Variants in CSNK2A2 observed in about 807,000 individuals in gnomAD.
The protein encoded by CSNK2A2 is casein kinase 2 alpha 2, also known as casein kinase II subunit alpha'.
A neutral mutation model predicts 54.0 loss-of-function variants in CSNK2A2; 8 were observed. The observed-to-expected ratio is 0.15, with a 90% confidence interval of 0.09 to 0.27. The LOEUF is 0.27. CSNK2A2 is among the 10% of genes least tolerant of loss of function. The probability of loss-of-function intolerance (pLI) is 1.00; values close to 1 mark genes in which losing one functional copy is unlikely to be tolerated. For synonymous variants in CSNK2A2, 141 were observed against 153.9 expected (o/e 0.92, Z 0.62); for missense variants, 242 against 439.4 (o/e 0.55, Z 4.02).
At chr16:58,176,528 C>A (rs1320570962) in intron 4 of CSNK2A2, among the ~76,000 whole-genome samples, 1 of 152,168 alleles carries the variant, frequency 6.6e-6, no homozygotes, top group African/African-American at 2.4e-5. Flanking sequence ...AACATTTAAC[C>A]GCCTGGGCCC....
At chr16:58,166,074 C>T (rs1352400595) in intron 9 of CSNK2A2, among the ~76,000 whole-genome samples, 1 of 152,104 alleles carries the variant, frequency 6.6e-6, no homozygotes, top group Admixed American at 6.5e-5. Flanking sequence ...CAGGGAGGTT[C>T]CATAAAATAC....
intron 11 of CSNK2A2, 90 bp downstream of exon 11, chr16:58,163,964 A>G: frequency 1.9e-6 from 2 of 1,029,556 alleles, no homozygotes; most frequent in South Asian, 1.5e-5. Context: ...AGAAGGAATG[A>G]TAAGAATTTC....
At chr16:58,160,677 C>T (rs1389014650) in intron 11 of CSNK2A2, 1 of 152,262 alleles carries the variant, frequency 6.6e-6, no homozygotes, top group Non-Finnish European at 1.5e-5. Context: ...CATTCCAGAA[C>T]ATAAACTTGG....
intron 2 of CSNK2A2, among the ~76,000 whole-genome samples, chr16:58,189,681 G>A (rs949507938): frequency 2.0e-5 from 3 of 152,176 alleles, no homozygotes; most frequent in Non-Finnish European, 4.4e-5. Flanking sequence ...GGGAATAGCA[G>A]GGCAACTCTG....
At chr16:58,194,621 G>A (rs931100338) in intron 2 of CSNK2A2, among the ~76,000 whole-genome samples, 4 of 152,194 alleles carry the variant, frequency 2.6e-5, no homozygotes, top group South Asian at 2.1e-4. Context: ...TGTGCTCAAC[G>A]TTCAGATCCT....
chr16:58,176,036 TG>T (rs1961869826), intron 4 of CSNK2A2, among the ~76,000 whole-genome samples: 1 of 152,226 alleles, frequency 6.6e-6, no homozygotes. Context: ...AGGACTTGGC[TG>T]CACACTGACA....
In CSNK2A2 at chr16:58,185,242, G is replaced by A. The variant is rs1038287035; in HGVS notation, c.319-932C>T. Among the ~76,000 whole-genome samples the A allele has an allele frequency of 1.5e-4, 23 of 152,094 alleles. 1 individual carries two copies. In the East Asian group the frequency reaches 3.7e-3, roughly 24 times the overall value. ...CACAGGGCAGCATGCAGATCTCTGCGAGGACAACTCAGAGTCCAAACAGCA... is the reference window on the plus strand; with the variant it reads ...CACAGGGCAGCATGCAGATCTCTGCAAGGACAACTCAGAGTCCAAACAGCA... On this transcript the variant is annotated intron_variant, in intron 3 of 11. Coordinates refer to ENST00000262506, the MANE Select transcript of CSNK2A2 (RefSeq NM_001896.4).
intron 5 of CSNK2A2, among the ~76,000 whole-genome samples, chr16:58,173,614 C>T (rs954879849): frequency 6.6e-6 from 1 of 152,204 alleles, no homozygotes; most frequent in Non-Finnish European, 1.5e-5. Flanking sequence ...AGACATTCTA[C>T]CCATCACTTT....
rs1467294350 is a variant in CSNK2A2, at chr16:58,168,585, T to G, written c.513+25A>C. The G allele has an allele frequency of 4.4e-6, 7 of 1,601,640 alleles. No individual in the cohort carries two copies. In the African/African-American group the frequency reaches 8.0e-5, roughly 18 times the overall value. On this transcript the variant is annotated intron_variant, in intron 6 of 11. Coordinates refer to ENST00000262506, the MANE Select transcript of CSNK2A2 (RefSeq NM_001896.4). ...CTGCTCTAAGCCTTTTAATCAAGCT[T>G]GTTGCTGCCTGGCTGTAATGGTACC...
intron 10 of CSNK2A2, 145 bp downstream of exon 10, chr16:58,165,415 A>T: frequency 1.3e-6 from 1 of 760,808 alleles, no homozygotes; most frequent in Non-Finnish European, 1.9e-6. Flanking sequence ...AAGTTGTCTC[A>T]ATCATCTACG....
chr16:58,192,295 A>G (rs1009757514), intron 2 of CSNK2A2, among the ~76,000 whole-genome samples: 88 of 152,292 alleles, frequency 5.8e-4, no homozygotes, highest in African/African-American at 2.1e-3. Flanking sequence ...GCCCTGCTTT[A>G]TACATGAAAA....
intron 11 of CSNK2A2, chr16:58,161,065 C>G (rs1426258371): frequency 1.3e-5 from 2 of 152,234 alleles, no homozygotes; most frequent in Non-Finnish European, 2.9e-5. Flanking sequence ...ACCTACCCTG[C>G]CTACAGGGAT....
Position 58,182,374 on chromosome 16 carries a change from C to CAAAAAAAAAAAA in CSNK2A2, c.369+1874_369+1885dup, listed in dbSNP as rs71155249. Among the ~76,000 whole-genome samples, 37 of 25,746 alleles carry CAAAAAAAAAAAA rather than the reference C, an allele frequency of 1.4e-3. 6 individuals are homozygous for CAAAAAAAAAAAA. The highest frequency in any genetic ancestry group is 1.7e-3 in the Non-Finnish European group (27 of 15,958). The allele number at this position is 25,746 out of a possible 152,430, so 16.9% of individuals were successfully genotyped here. A position where few individuals can be genotyped will look rare whatever the true frequency, so the allele number is the denominator to read the frequency against. ...AAAACCCCATTTCTACTAAATATACCAAAAAAAAAAAAAAAAAAAAAAAAA... is the reference window on the plus strand; with the variant it reads ...AAAACCCCATTTCTACTAAATATACCAAAAAAAAAAAAAAAAAAAAAAAAAAAAAAAAAAAAA... On this transcript the variant is annotated intron_variant, in intron 4 of 11. Coordinates refer to ENST00000262506, the MANE Select transcript of CSNK2A2 (RefSeq NM_001896.4).
intron 9 of CSNK2A2, among the ~76,000 whole-genome samples, chr16:58,166,103 A>G (rs1961554744): frequency 6.6e-6 from 1 of 152,232 alleles, no homozygotes; most frequent in Admixed American, 6.5e-5. Flanking sequence ...AACTGTTAAC[A>G]AAATGTTTAC....
intron 5 of CSNK2A2, among the ~76,000 whole-genome samples, chr16:58,170,078 A>G (rs1961693874): frequency 6.6e-6 from 1 of 152,110 alleles, no homozygotes; most frequent in African/African-American, 2.4e-5. Flanking sequence ...ATTCCAAGGG[A>G]GAAAATTGCT....
At position 58,197,288 on chromosome 16, in the gene CSNK2A2, A is replaced by G; in HGVS notation, c.104+345T>C. On this transcript the variant is annotated intron_variant, in intron 1 of 11. Transcript: ENST00000262506. The surrounding 1 kb of genome is among the most constrained non-coding windows in gnomAD (Gnocchi z 4.0). ...AAAGGCAGGGCATTTTAATAGCTCC[A>G]AAGGACAGCTGTTGACTTCCCACCC... is the stretch of plus-strand genomic sequence containing the variant. The G allele has an allele frequency of 3.4e-6, 1 of 296,826 alleles. No homozygotes were observed. The highest frequency in any genetic ancestry group is 6.4e-6 in the Non-Finnish European group (1 of 156,182). 18.4% of individuals were successfully genotyped at this position (296,826 alleles called of 1,614,324 possible).
chr16:58,194,290 TA>T (rs1362527710), intron 2 of CSNK2A2, among the ~76,000 whole-genome samples: 3 of 152,236 alleles, frequency 2.0e-5, no homozygotes, highest in Non-Finnish European at 4.4e-5. Flanking sequence ...CTATTAGTCA[TA>T]ACTTCAACTT....
intron 4 of CSNK2A2, 48 bp from the exon 5 acceptor site, chr16:58,174,558 C>T: frequency 1.4e-6 from 2 of 1,478,462 alleles, no homozygotes; most frequent in Non-Finnish European, 9.4e-7. Context: ...CTCACTGCAT[C>T]TTGTCATCCT....
intron 2 of CSNK2A2, among the ~76,000 whole-genome samples, chr16:58,190,806 T>C (rs976759362): frequency 2.6e-5 from 4 of 152,214 alleles, no homozygotes; most frequent in Non-Finnish European, 5.9e-5. Flanking sequence ...TAAAATGGTA[T>C]AGCCACTATG....
Sources: gnomAD v4.1 joint callset for allele counts (sites outside exome capture counted in the v4.1 genomes callset) on GRCh38, gnomAD v4.1.1 for gene constraint, Gnocchi (gnomAD v3.1) non-coding constraint, MANE v1.5 for transcripts, NCBI Gene and HGNC (gene_info 2026-07-23, HGNC 2026-07-21) for gene names.